The following FKBP8 variants were observed in gnomAD, a reference collection of about 807,000 sequenced individuals.
The protein encoded by FKBP8 is peptidyl-prolyl cis-trans isomerase FKBP8.
A neutral mutation model predicts 41.7 loss-of-function variants in FKBP8; 5 were observed. The observed-to-expected ratio is 0.12, with a 90% confidence interval of 0.06 to 0.25. The LOEUF (loss-of-function observed/expected upper bound fraction) is 0.25. Among genes scored for constraint, FKBP8 ranks in the 10% least tolerant of loss-of-function variants. The pLI is 1.00. For synonymous variants in FKBP8, 279 were observed against 254.5 expected (o/e 1.10, Z -0.92); for missense variants, 397 against 563.0 (o/e 0.71, Z 2.98).
Position 18,541,780 on chromosome 19 carries a change from T to TCCG in FKBP8, c.188_190dup (p.Ala63dup). 1 of 1,613,966 alleles carries TCCG rather than the reference T, an allele frequency of 6.2e-7. No individual in the cohort carries two copies. The highest frequency in any genetic ancestry group is 8.5e-7 in the Non-Finnish European group (1 of 1,179,958). On this transcript the variant is annotated inframe_insertion, in exon 2 of 9. Coordinates refer to ENST00000608443, the MANE Select transcript of FKBP8 (RefSeq NM_012181.5). The stretch of plus-strand genomic sequence containing the variant: ...CAGGGCCCCAGGCTGCTCAGCCTCC[T>TCCG]CCGCCGGGGGTTGTCCCATGTCCTC...
chr19:18,542,794 C>T, intron 1 of FKBP8: 1 of 831,306 alleles, frequency 1.2e-6, no homozygotes, highest in Non-Finnish European at 1.7e-6. Flanking sequence ...CCTCCTGAAC[C>T]AATAACCAAC....
At chr19:18,535,000 G>A (rs901211413) in intron 6 of FKBP8, among the ~76,000 whole-genome samples, 4 of 151,964 alleles carry the variant, frequency 2.6e-5, no homozygotes, top group African/African-American at 9.7e-5. Context: ...GGCCAGGCTG[G>A]TCTCAAACTC....
intron 1 of FKBP8, chr19:18,542,445 C>A: frequency 5.7e-6 from 1 of 175,728 alleles, no homozygotes; most frequent in Non-Finnish European, 1.2e-5. Flanking sequence ...GAGAGGACAG[C>A]CTCCGAGGCC....
intron 1 of FKBP8, chr19:18,542,271 T>G: frequency 2.8e-6 from 1 of 359,838 alleles, no homozygotes; most frequent in East Asian, 5.1e-5. Context: ...GTAGGGAAGA[T>G]TCCCCTCAAC....
At chr19:18,542,127 T>C in intron 1 of FKBP8, 132 bp from the exon 2 acceptor site, 2 of 1,347,196 alleles carry the variant, frequency 1.5e-6, no homozygotes, top group Non-Finnish European at 9.8e-7. Context: ...TCCTCATCTA[T>C]ACAGTGGGTG....
In FKBP8 at chr19:18,531,951, A is replaced by C; in HGVS notation, c.*218T>G. Reference sequence around the variant, plus strand: ...AGCGGGGTAAGGAGGGTGGGGGAAAACTGGGTCTGAAGGAATGAGGGCCCC... The same window carrying C: ...AGCGGGGTAAGGAGGGTGGGGGAAACCTGGGTCTGAAGGAATGAGGGCCCC... On this transcript the variant is annotated 3_prime_UTR_variant, in exon 9 of 9. Transcript: ENST00000608443. 1.8e-6 allele frequency: 1 copy of C among 569,888 alleles called. No individual in the cohort carries two copies. Among genetic ancestry groups the C allele is most frequent in the Non-Finnish European group, 3.2e-6 (1 of 315,332 alleles). The allele number at this position is 569,888 out of a possible 1,614,324, so 35.3% of individuals were successfully genotyped here.
chr19:18,533,391 G>A, intron 6 of FKBP8, 44 bp from the exon 7 acceptor site: 2 of 1,510,676 alleles, frequency 1.3e-6, no homozygotes, highest in Non-Finnish European at 9.0e-7. Context: ...CCATACCTGG[G>A]CCTGTCCTTC....
At chr19:18,534,684 C>T (rs966034692) in intron 6 of FKBP8, among the ~76,000 whole-genome samples, 5 of 152,108 alleles carry the variant, frequency 3.3e-5, no homozygotes, top group African/African-American at 1.2e-4. Flanking sequence ...TAGGCTCACA[C>T]AATCCTCCAG....
chr19:18,532,178 G>A lies in FKBP8; in HGVS notation c.1233C>T (p.Ala411=), dbSNP rs1475423385. The change falls in exon 9 of 9, where the codon GCC becomes GCT. Residue 411 remains alanine, a synonymous_variant. Coordinates refer to ENST00000608443, the MANE Select transcript of FKBP8 (RefSeq NM_012181.5). ...GCAGCCACCTAGGTGGTCAGTTCCT[G>A]GCAGCGATGACCACAGAGAGTGCCA... ...GGVALSVVIA[A]RN is the part of the protein sequence containing the mutation. 3.7e-6 allele frequency: 6 copies of A among 1,603,964 alleles called. No individual in the cohort carries two copies. The highest frequency in any genetic ancestry group is 5.1e-6 in the Non-Finnish European group (6 of 1,176,086).
rs376393547 is a variant in FKBP8 at position 18,539,418 on chromosome 19, C to T, written c.504G>A (p.Thr168=). The change falls in exon 4 of 9, where the codon ACG becomes ACA. Residue 168 remains threonine, a synonymous_variant. Coordinates refer to ENST00000608443, the MANE Select transcript of FKBP8 (RefSeq NM_012181.5). ...LSVPLMDVGE[T]AMVTADSKYC... is the part of the protein sequence containing the mutation. Reference sequence around the variant, plus strand: ...ACTTGGAGTCAGCAGTGACCATGGCCGTCTCCCCCACGTCCATGAGTGGGA... The same window carrying T: ...ACTTGGAGTCAGCAGTGACCATGGCTGTCTCCCCCACGTCCATGAGTGGGA... 38 of 1,613,646 alleles carry T rather than the reference C, an allele frequency of 2.4e-5. No individual in the cohort carries two copies. The highest frequency in any genetic ancestry group is 1.7e-4 in the Middle Eastern group (1 of 5,916).
intron 6 of FKBP8, among the ~76,000 whole-genome samples, chr19:18,533,598 A>C (rs551493838): frequency 5.1e-4 from 78 of 152,182 alleles, no homozygotes; most frequent in African/African-American, 1.9e-3. Flanking sequence ...CTAGCTACTC[A>C]GGAGGCTGAG....
intron 2 of FKBP8, among the ~76,000 whole-genome samples, chr19:18,540,887 A>T (rs1446232652): frequency 6.6e-6 from 1 of 151,726 alleles, no homozygotes. Flanking sequence ...AAAAAAAAAA[A>T]GTAGTAAGAT....
intron 1 of FKBP8, 105 bp from the exon 2 acceptor site, chr19:18,542,100 G>A: frequency 1.4e-6 from 2 of 1,449,124 alleles, no homozygotes; most frequent in South Asian, 1.4e-5. Context: ...GTAACTCAAG[G>A]GCTCCAGGCC....
intron 6 of FKBP8, chr19:18,536,334 T>C (rs552418545): frequency 6.6e-6 from 1 of 152,356 alleles, no homozygotes; most frequent in Admixed American, 6.5e-5. Flanking sequence ...TTCACCCCTA[T>C]GTTCTGCCAG....
At chr19:18,534,864 T>C (rs1198054297) in intron 6 of FKBP8, among the ~76,000 whole-genome samples, 3 of 152,176 alleles carry the variant, frequency 2.0e-5, no homozygotes, top group Admixed American at 6.5e-5. Context: ...CTTGGCTCAA[T>C]GCAAGCTCTG....
chr19:18,532,688 A>C lies in FKBP8; in HGVS notation c.1131T>G (p.Ala377=). 1.2e-6 allele frequency: 2 copies of C among 1,614,022 alleles called. No homozygotes were observed. The highest frequency in any genetic ancestry group is 1.7e-6 in the Non-Finnish European group (2 of 1,180,030). Residue 377 remains alanine (A), a synonymous_variant, in exon 8 of 9, where the codon GCT becomes GCG. Coordinates refer to ENST00000608443, the MANE Select transcript of FKBP8 (RefSeq NM_012181.5). The part of the protein sequence containing the change: ...KMLGNPSRLP[A]KCPGKGAWSI... Reference sequence around the variant, plus strand: ...CCCAGGCACCCTTGCCAGGGCACTTAGCAGGCAGCCGGCTGGGGTTGCCCA... The same window carrying C: ...CCCAGGCACCCTTGCCAGGGCACTTCGCAGGCAGCCGGCTGGGGTTGCCCA...
At chr19:18,542,699 C>T (rs1406961663) in intron 1 of FKBP8, among the ~76,000 whole-genome samples, 2 of 151,950 alleles carry the variant, frequency 1.3e-5, no homozygotes, top group Non-Finnish European at 1.5e-5. Flanking sequence ...TCTCATCAGG[C>T]CTCGGTCCCA....
At chr19:18,542,285 T>G in intron 1 of FKBP8, 1 of 330,400 alleles carries the variant, frequency 3.0e-6, no homozygotes, top group Non-Finnish European at 5.6e-6. Flanking sequence ...CCTCAACATT[T>G]TGCAGAACAG....
chr19:18,535,902 A>C (rs552701618), intron 6 of FKBP8: 1 of 151,882 alleles, frequency 6.6e-6, no homozygotes, highest in South Asian at 2.1e-4. Context: ...AAGCCAGCTA[A>C]TCCAAACTTG....
Sources: gnomAD v4.1 joint callset for allele counts (sites outside exome capture counted in the v4.1 genomes callset) on GRCh38, gnomAD v4.1.1 for gene constraint, MANE v1.5 for transcripts, NCBI Gene and HGNC (gene_info 2026-07-23, HGNC 2026-07-21) for gene names.